MTDH: variants seen among roughly 807,000 people sequenced by gnomAD.
The protein encoded by MTDH is protein LYRIC.
MTDH carries 34 observed loss-of-function variants against 72.7 expected under a neutral mutation model. The ratio of observed to expected loss-of-function variants is 0.47; its 90% CI spans 0.36 to 0.62. The LOEUF is 0.62. Among genes scored for constraint, MTDH ranks in the 20% least tolerant of loss-of-function variants. The pLI is 0.00. For synonymous variants in MTDH, 266 were observed against 268.9 expected (o/e 0.99, Z 0.10); for missense variants, 677 against 699.4 (o/e 0.97, Z 0.36).
intron 2 of MTDH, among the ~76,000 whole-genome samples, chr8:97,677,067 C>T (rs1451981771): frequency 7.0e-6 from 1 of 142,090 alleles, no homozygotes; most frequent in Middle Eastern, 4.1e-3. Flanking sequence ...CCTATAGTCC[C>T]AGCTACGTGG....
At chr8:97,722,401 A>C (rs1815165484) in intron 10 of MTDH, among the ~76,000 whole-genome samples, 1 of 152,184 alleles carries the variant, frequency 6.6e-6, no homozygotes, top group African/African-American at 2.4e-5. Context: ...AGAGATCGAG[A>C]CCATCCTGGC....
Position 97,672,151 on chromosome 8 carries a change from T to G in MTDH, c.483+10978T>G, listed in dbSNP as rs149210029. The stretch of plus-strand genomic sequence containing the variant: ...ATGGCCAAATCTAGTGCTCTGCCTG[T>G]TTTGTAAATAAAGTTTTATGGAAAC... On this transcript the variant is annotated intron_variant, in intron 2 of 11. Coordinates refer to ENST00000336273, the MANE Select transcript of MTDH (RefSeq NM_178812.4). Among the ~76,000 whole-genome samples, 1,168 of 152,300 alleles carry G rather than the reference T, an allele frequency of 7.7e-3. 15 individuals are homozygous for G. Among genetic ancestry groups the G allele is most frequent in the African/African-American group, 0.026 (1,093 of 41,554 alleles).
chr8:97,657,026 A>G (rs1005556362), intron 1 of MTDH, among the ~76,000 whole-genome samples: 19 of 151,986 alleles, frequency 1.3e-4, no homozygotes, highest in African/African-American at 4.6e-4. Context: ...TAATAAATTG[A>G]AGATTGACTA....
intron 8 of MTDH, among the ~76,000 whole-genome samples, chr8:97,712,405 A>G (rs1457220583): frequency 6.6e-6 from 1 of 151,988 alleles, no homozygotes; most frequent in East Asian, 1.9e-4. Context: ...AGGTTGTTGT[A>G]TGTGTCAGTA....
Position 97,703,784 on chromosome 8 carries a change from C to A in MTDH, c.1148-2842C>A, listed in dbSNP as rs73696706. On this transcript the variant is annotated intron_variant, in intron 7 of 11. Transcript: ENST00000336273. ...ATAGATTAGAAACTGGTTTTAATAT[C>A]ATCAGTGATAATAAAAACAGTAGCT... Among the ~76,000 whole-genome samples the A allele has an allele frequency of 4.4e-3, 672 of 152,286 alleles. 5 individuals carry two copies. The highest frequency in any genetic ancestry group is 0.015 in the African/African-American group (620 of 41,550).
chr8:97,659,556 C>T (rs1382419695), intron 1 of MTDH, among the ~76,000 whole-genome samples: 5 of 152,212 alleles, frequency 3.3e-5, no homozygotes, highest in African/African-American at 1.2e-4. Context: ...CCTTTTCCAA[C>T]TTTGTATCCC....
chr8:97,699,616 C>A, intron 6 of MTDH, 138 bp from the exon 7 acceptor site: 1 of 560,230 alleles, frequency 1.8e-6, no homozygotes, highest in Non-Finnish European at 3.2e-6. Context: ...TAACTTAATT[C>A]TTTTTCTAAT....
At chr8:97,661,969 G>GT (rs1812188654) in intron 2 of MTDH, among the ~76,000 whole-genome samples, 1 of 151,194 alleles carries the variant, frequency 6.6e-6, no homozygotes, top group Non-Finnish European at 1.5e-5. Context: ...TGATTTGGAT[G>GT]TGAGATTTTC....
intron 6 of MTDH, among the ~76,000 whole-genome samples, chr8:97,696,634 C>A (rs1049863939): frequency 1.3e-5 from 2 of 152,152 alleles, no homozygotes; most frequent in South Asian, 4.1e-4. Context: ...CATTTTACTT[C>A]TGTTCACCGT....
chr8:97,646,782 G>T (rs1347691728), intron 1 of MTDH, among the ~76,000 whole-genome samples: 2 of 152,230 alleles, frequency 1.3e-5, no homozygotes, highest in East Asian at 3.8e-4. Flanking sequence ...GCTTTGAGGA[G>T]TGGAGAATGG....
At chr8:97,679,183 AT>A (rs1485674063) in intron 2 of MTDH, among the ~76,000 whole-genome samples, 2 of 152,160 alleles carry the variant, frequency 1.3e-5, no homozygotes, top group African/African-American at 2.4e-5. Flanking sequence ...ATAGAATAGC[AT>A]TTACCTAGGG....
chr8:97,685,581 G>T (rs1813327161), intron 2 of MTDH, among the ~76,000 whole-genome samples: 1 of 151,984 alleles, frequency 6.6e-6, no homozygotes, highest in Non-Finnish European at 1.5e-5. Flanking sequence ...CCAACATGGT[G>T]AAGCCCTGTC....
intron 11 of MTDH, 141 bp from the exon 12 acceptor site, chr8:97,724,459 A>G (rs1372756386): frequency 5.2e-6 from 3 of 572,954 alleles, no homozygotes; most frequent in Non-Finnish European, 8.9e-6. Flanking sequence ...TAAAATATAT[A>G]ACGAGGGCTT....
chr8:97,669,572 G>A (rs186633166), intron 2 of MTDH, among the ~76,000 whole-genome samples: 1 of 148,086 alleles, frequency 6.8e-6, no homozygotes, highest in East Asian at 2.1e-4. Flanking sequence ...ACTAATTTCT[G>A]CTATAATATC....
rs540115245 is a variant in MTDH, at chr8:97,717,655, T to G, written c.1381-1394T>G. On this transcript the variant is annotated intron_variant, in intron 9 of 11. Coordinates refer to ENST00000336273, the MANE Select transcript of MTDH (RefSeq NM_178812.4). ...CCCCCAAAAATGGAAATCTTAAAGC[T>G]TATGTGAGTTTTTAGAAATTATTAG... Among the ~76,000 whole-genome samples the G allele has an allele frequency of 1.9e-4, 26 of 140,106 alleles. No homozygotes were observed. The East Asian group carries it at 4.7e-3, about 26-fold the overall frequency. The allele number at this position is 140,106 out of a possible 152,430, so 91.9% of individuals were successfully genotyped here. A position where few individuals can be genotyped will look rare whatever the true frequency, so the allele number is the denominator to read the frequency against.
chr8:97,717,359 C>CT (rs1814915591), intron 9 of MTDH, among the ~76,000 whole-genome samples: 1 of 152,178 alleles, frequency 6.6e-6, no homozygotes, highest in East Asian at 1.9e-4. Flanking sequence ...ATATAATTTA[C>CT]TAAGCATATA....
intron 7 of MTDH, among the ~76,000 whole-genome samples, chr8:97,705,451 T>C (rs1225107353): frequency 1.3e-5 from 2 of 151,434 alleles, no homozygotes; most frequent in Non-Finnish European, 2.9e-5. Context: ...AATACAAAAA[T>C]TAGCCAGGTG....
chr8:97,662,372 C>T (rs1217680014), intron 2 of MTDH, among the ~76,000 whole-genome samples: 1 of 150,656 alleles, frequency 6.6e-6, no homozygotes, highest in African/African-American at 2.4e-5. Context: ...CCTGTCTATG[C>T]ATAGCCCCTT....
At chr8:97,701,215 C>CA (rs912031638) in intron 7 of MTDH, among the ~76,000 whole-genome samples, 4 of 152,112 alleles carry the variant, frequency 2.6e-5, no homozygotes, top group African/African-American at 4.8e-5. Flanking sequence ...AGTCATCTCT[C>CA]AGTATCCATG....
Sources: gnomAD v4.1 joint callset for allele counts (sites outside exome capture counted in the v4.1 genomes callset) on GRCh38, gnomAD v4.1.1 for gene constraint, MANE v1.5 for transcripts, NCBI Gene and HGNC (gene_info 2026-07-23, HGNC 2026-07-21) for gene names.